The following SAFB2 variants were observed in gnomAD, a reference collection of about 807,000 sequenced individuals.
SAFB2 encodes the protein scaffold attachment factor B2.
SAFB2 carries 32 observed loss-of-function variants against 100.6 expected under a neutral mutation model. The observed-to-expected ratio is 0.32, with a 90% CI of 0.24 to 0.43. The LOEUF (loss-of-function observed/expected upper bound fraction) is 0.43. Ranked by LOEUF, SAFB2 falls within the 20% of genes least tolerant of loss-of-function variation. The pLI is 1.00. For missense variants in SAFB2, 1,185 were observed against 1,163.4 expected (o/e 1.02, Z -0.27); for synonymous variants, 500 against 439.4 (o/e 1.14, Z -1.72).
At chr19:5,593,749 G>A (rs895236840) in intron 15 of SAFB2, 142 bp downstream of exon 15, 1 of 884,268 alleles carries the variant, frequency 1.1e-6, no homozygotes, top group Non-Finnish European at 1.6e-6. Flanking sequence ...GAGATCGGCG[G>A]GGGGTCCCCA....
intron 15 of SAFB2, 123 bp downstream of exon 15, chr19:5,593,768 G>A: frequency 3.7e-6 from 4 of 1,086,214 alleles, no homozygotes; most frequent in Middle Eastern, 6.3e-4. Context: ...CAAGGCGCAT[G>A]CTCCATATCA....
rs763996273 is a variant in SAFB2, at chr19:5,604,677, C to T, written c.1465G>A (p.Gly489Arg). 1 of 1,614,182 alleles carries T rather than the reference C, an allele frequency of 6.2e-7. No individual in the cohort carries two copies. The highest frequency in any genetic ancestry group is 8.5e-7 in the Non-Finnish European group (1 of 1,180,030). ...TCTTTTCTGTCGGAAAGCTTTTTCC[C>T]AGCAGGCTCATTTTTGGCCTAAAAT... is the stretch of plus-strand genomic sequence containing the variant. ...SVEKAKNEPA[G>R]KKLSDRKECE... Residue 489 changes from glycine to arginine, a missense_variant, in exon 11 of 21, where the codon GGG becomes AGG. Around this residue, in one of 3 missense-constraint regions of SAFB2, gnomAD observed 94 missense variants for 135.1 expected, o/e 0.70. Transcript: ENST00000252542.
At chr19:5,611,082 G>A in intron 7 of SAFB2, 38 bp downstream of exon 7, 1 of 311,158 alleles carries the variant, frequency 3.2e-6, no homozygotes, top group Non-Finnish European at 5.9e-6. Context: ...CCAATGAAAA[G>A]GAGATAGCGT....
intron 13 of SAFB2, among the ~76,000 whole-genome samples, chr19:5,598,092 G>A (rs555544200): frequency 1.3e-4 from 19 of 142,334 alleles, no homozygotes; most frequent in Non-Finnish European, 2.5e-4. Flanking sequence ...CAGAGATCAC[G>A]CCACTGCACT....
At position 5,622,707 on chromosome 19, in the gene SAFB2, C is replaced by G; in HGVS notation, c.9G>C (p.Glu3Asp). 2 of 1,602,140 alleles carry G rather than the reference C, an allele frequency of 1.2e-6. No individual in the cohort carries two copies. The highest frequency in any genetic ancestry group is 1.7e-4 in the Middle Eastern group (1 of 6,048). The change falls in exon 1 of 21, where the codon GAG becomes GAC. Residue 3 changes from glutamate (E) to aspartate (D), a missense_variant. Coordinates refer to ENST00000252542, the MANE Select transcript of SAFB2 (RefSeq NM_014649.3). MAETLPGSGDSGP... is the reference protein window; with the variant it reads MADTLPGSGDSGP... ...CCGAGTCGCCCGACCCGGGCAGAGT[C>G]TCCGCCATCGTCGCGTTCCCGTCTT...
At chr19:5,620,523 T>C (rs1200198936) in intron 2 of SAFB2, among the ~76,000 whole-genome samples, 1 of 152,230 alleles carries the variant, frequency 6.6e-6, no homozygotes, top group Non-Finnish European at 1.5e-5. Flanking sequence ...TCAATACATG[T>C]TACAACACAG....
intron 5 of SAFB2, 42 bp downstream of exon 5, chr19:5,613,423 C>T (rs896512752): frequency 2.0e-6 from 3 of 1,537,286 alleles, no homozygotes; most frequent in South Asian, 1.1e-5. Context: ...ATCAACCACT[C>T]GATTAACATT....
In SAFB2 at chr19:5,604,625, G is replaced by A. The variant is rs548530941; in HGVS notation, c.1517C>T (p.Ser506Leu). The A allele has an allele frequency of 5.0e-6, 8 of 1,614,086 alleles. No homozygotes were observed. Among genetic ancestry groups the A allele is most frequent in the Admixed American group, 3.3e-5 (2 of 60,016 alleles). Residue 506 changes from serine to leucine, a missense_variant, in exon 11 of 21, where the codon TCG becomes TTG. This residue lies in a region of SAFB2 where 740 missense variants were observed against 687.1 expected (regional missense o/e 1.08). Coordinates refer to ENST00000252542, the MANE Select transcript of SAFB2 (RefSeq NM_014649.3). ...KECEVKKEKLSSVDRHHSVEI... is the reference protein window; with the variant it reads ...KECEVKKEKLLSVDRHHSVEI... ...CACAGAATGATGTCTGTCGACACTC[G>A]ATAATTTTTCCTTCTTCACTTCGCA...
At chr19:5,588,313 T>C (rs1323534883) in intron 18 of SAFB2, among the ~76,000 whole-genome samples, 1 of 151,944 alleles carries the variant, frequency 6.6e-6, no homozygotes, top group Non-Finnish European at 1.5e-5. Context: ...GGTGGAAATG[T>C]AAAATGGTGT....
chr19:5,604,706 A>G lies in SAFB2; in HGVS notation c.1447-11T>C. The G allele has an allele frequency of 6.2e-7, 1 of 1,614,152 alleles. No individual in the cohort carries two copies. Among genetic ancestry groups the G allele is most frequent in the Non-Finnish European group, 8.5e-7 (1 of 1,180,002 alleles). ...AGGCTCATTTTTGGCCTAAAATATA[A>G]TAGACAGAAATGATGTGTGGCCCAG... On this transcript the variant is annotated splice_polypyrimidine_tract_variant and intron_variant, in intron 10 of 20. Transcript: ENST00000252542.
In SAFB2 at chr19:5,613,493, G is replaced by A. The variant is rs1568227951; in HGVS notation, c.578C>T (p.Thr193Ile). The change falls in exon 5 of 21, where the codon ACT (threonine) becomes ATT (isoleucine). Residue 193 changes from threonine to isoleucine, a missense_variant. Around this residue, in one of 3 missense-constraint regions of SAFB2, gnomAD observed 351 missense variants for 341.2 expected, o/e 1.03. Transcript: ENST00000252542. ...DGEGFKNTLE[T>I]SSLNFKVTPD... is the part of the protein sequence containing the mutation. ...AGTTACTTTGAAGTTCAACGATGAA[G>A]TTTCCAAAGTGTTCTTAAATCCTTC... is the stretch of plus-strand genomic sequence containing the variant. The A allele has an allele frequency of 2.5e-6, 4 of 1,614,088 alleles. No individual in the cohort carries two copies. Among genetic ancestry groups the A allele is most frequent in the Non-Finnish European group, 2.5e-6 (3 of 1,179,946 alleles).
intron 11 of SAFB2, among the ~76,000 whole-genome samples, chr19:5,602,698 C>A (rs1265763118): frequency 6.6e-6 from 1 of 152,050 alleles, no homozygotes; most frequent in Non-Finnish European, 1.5e-5. Context: ...ATTCCCAGTG[C>A]TGGCCACAGG....
chr19:5,615,048 CA>C (rs771303007), intron 4 of SAFB2, among the ~76,000 whole-genome samples: 30 of 151,466 alleles, frequency 2.0e-4, no homozygotes, highest in Non-Finnish European at 4.0e-4. Context: ...CTATCTCTAC[CA>C]AAAATATAAA....
chr19:5,618,304 G>A (rs1216660525), intron 2 of SAFB2, among the ~76,000 whole-genome samples: 2 of 152,236 alleles, frequency 1.3e-5, no homozygotes, highest in African/African-American at 4.8e-5. Context: ...GGAGCTTGCA[G>A]TGAGCCGAGA....
Position 5,591,272 on chromosome 19 carries a change from C to CTTTTTTTTTTTT in SAFB2, c.2394+464_2394+475dup, listed in dbSNP as rs1199975803. Reference sequence around the variant, plus strand: ...ATTACAAAACAATCAAATATTTGCGCTTTTTTTTTTTTTTTTTTTTTTTGA... The same window carrying CTTTTTTTTTTTT: ...ATTACAAAACAATCAAATATTTGCGCTTTTTTTTTTTTTTTTTTTTTTTTTTTTTTTTTTTGA... On this transcript the variant is annotated intron_variant, in intron 17 of 20. Transcript: ENST00000252542. 2 of 118,302 alleles carry CTTTTTTTTTTTT rather than the reference C, an allele frequency of 1.7e-5. 1 individual carries two copies. The allele number at this position is 118,302 out of a possible 1,614,324, so 7.3% of individuals were successfully genotyped here.
chr19:5,618,484 G>C (rs1317770522), intron 2 of SAFB2, among the ~76,000 whole-genome samples: 1 of 152,232 alleles, frequency 6.6e-6, no homozygotes, highest in Non-Finnish European at 1.5e-5. Flanking sequence ...CTCGCAACGT[G>C]AGCTTTTTCC....
intron 14 of SAFB2, 123 bp downstream of exon 14, chr19:5,595,238 A>G (rs2052510946): frequency 3.7e-6 from 5 of 1,334,954 alleles, no homozygotes; most frequent in Non-Finnish European, 5.1e-6. Flanking sequence ...GTTAAGCACG[A>G]CACCCGCCAG....
chr19:5,603,563 A>G (rs1382937139), intron 11 of SAFB2, among the ~76,000 whole-genome samples: 1 of 152,200 alleles, frequency 6.6e-6, no homozygotes, highest in Non-Finnish European at 1.5e-5. Context: ...TTGATTAAAG[A>G]TATAAATCAC....
At chr19:5,604,499 A>G in intron 11 of SAFB2, 84 bp downstream of exon 11, 1 of 951,012 alleles carries the variant, frequency 1.1e-6, no homozygotes, top group Non-Finnish European at 1.7e-6. Flanking sequence ...AGGTGGGGAC[A>G]GATGCGTGTT....
Sources: allele counts gnomAD v4.1 joint callset (sites outside exome capture counted in the v4.1 genomes callset), GRCh38; gene constraint gnomAD v4.1.1; regional missense constraint gnomAD v4.1.1; transcripts MANE v1.5; gene names NCBI Gene and HGNC (gene_info 2026-07-23, HGNC 2026-07-21).